Variants in AGBL1 observed in about 807,000 individuals in gnomAD.
The protein encoded by AGBL1 is AGBL carboxypeptidase 1.
AGBL1 carries 130 observed loss-of-function variants against 118.9 expected under a neutral mutation model. The observed-to-expected ratio is 1.09, with a 90% CI of 0.95 to 1.26. The LOEUF (loss-of-function observed/expected upper bound fraction) is 1.26, where lower values mean the gene tolerates loss of function less well. Among genes scored for constraint, AGBL1 ranks in the 50% most tolerant of loss-of-function variants. The pLI is 0.00. For missense variants in AGBL1, 1,584 were observed against 1,298.1 expected (o/e 1.22, Z -3.38); for synonymous variants, 555 against 478.9 (o/e 1.16, Z -2.08).
At chr15:86,514,172 ATTTC>A (rs2083088750) in intron 18 of AGBL1, among the ~76,000 whole-genome samples, 8 of 151,556 alleles carry the variant, frequency 5.3e-5, no homozygotes, top group South Asian at 4.2e-4. Context: ...ATACACATCT[ATTTC>A]TTTATCTATC....
Position 86,743,169 on chromosome 15 carries a change from A to T in AGBL1, c.3158+68733A>T, listed in dbSNP as rs145928654. 6.1e-3 allele frequency among the ~76,000 whole-genome samples: 925 copies of T among 152,206 alleles called. 8 individuals are homozygous for T. Among genetic ancestry groups the T allele is most frequent in the African/African-American group, 0.02 (842 of 41,544 alleles). Reference sequence around the variant, plus strand: ...ATTTTTCTTTAAAAAGTATTTTTTTAAATTATTTATTTCGATAGTTTTATT... The same window carrying T: ...ATTTTTCTTTAAAAAGTATTTTTTTTAATTATTTATTTCGATAGTTTTATT... On this transcript the variant is annotated intron_variant, in intron 22 of 22. Coordinates refer to ENST00000614907, the MANE Select transcript of AGBL1 (RefSeq NM_001386094.1).
At chr15:86,568,883 C>G (rs976130289) in intron 21 of AGBL1, among the ~76,000 whole-genome samples, 2 of 151,906 alleles carry the variant, frequency 1.3e-5, no homozygotes, top group African/African-American at 4.8e-5. Flanking sequence ...ACATTGTTCC[C>G]AGAAATTTTT....
Position 86,080,016 on chromosome 15 carries a change from C to A in AGBL1, c.44C>A (p.Thr15Lys). The A allele has an allele frequency of 8.1e-7, 1 of 1,232,250 alleles. No homozygotes were observed. Among genetic ancestry groups the A allele is most frequent in the Non-Finnish European group, 1.0e-6 (1 of 988,052 alleles). The allele number at this position is 1,232,250 out of a possible 1,614,324, so 76.3% of individuals were successfully genotyped here. The change falls in exon 1 of 23, where the codon ACG (threonine) becomes AAG (lysine). Residue 15 changes from threonine (T) to lysine (K), a missense_variant. By Grantham distance (78) the Thr-to-Lys change is moderately conservative. Transcript: ENST00000614907. ...EASGLQVLLH[T>K]LQSSSDKESI... ...AGTGGGCTACAGGTCCTGCTGCACA[C>A]GCTTCAGGTAGGAAAGGGTAGAGTG...
At chr15:86,606,451 G>A (rs2084578942) in intron 21 of AGBL1, among the ~76,000 whole-genome samples, 1 of 152,156 alleles carries the variant, frequency 6.6e-6, no homozygotes, top group Non-Finnish European at 1.5e-5. Flanking sequence ...GGGATATAAA[G>A]ACGCTGTTTA....
At chr15:86,763,585 C>A (rs2078057250) in intron 22 of AGBL1, among the ~76,000 whole-genome samples, 2 of 151,888 alleles carry the variant, frequency 1.3e-5, no homozygotes, top group African/African-American at 4.8e-5. Flanking sequence ...GACTTTAAAT[C>A]TAGGATGTTC....
chr15:86,482,780 AT>A (rs551274055), intron 18 of AGBL1, among the ~76,000 whole-genome samples: 191 of 151,578 alleles, frequency 1.3e-3, no homozygotes, highest in African/African-American at 4.3e-3. Context: ...CATAGATCAG[AT>A]TTTTTTTTCA....
At chr15:86,672,043 G>A (rs2085755184) in intron 21 of AGBL1, among the ~76,000 whole-genome samples, 5 of 152,184 alleles carry the variant, frequency 3.3e-5, no homozygotes, top group Admixed American at 2.6e-4. Flanking sequence ...CTGTACTCCA[G>A]CTTGGGTGAC....
At chr15:86,431,960 T>C (rs1374745349) in intron 18 of AGBL1, among the ~76,000 whole-genome samples, 2 of 152,066 alleles carry the variant, frequency 1.3e-5, no homozygotes, top group Admixed American at 1.3e-4. Context: ...TAGCTCTGAA[T>C]CCCCTCTCCA....
At chr15:86,356,740 A>G (rs752955305) in intron 17 of AGBL1, among the ~76,000 whole-genome samples, 3 of 152,184 alleles carry the variant, frequency 2.0e-5, no homozygotes, top group Non-Finnish European at 4.4e-5. Context: ...TGTCTTTACC[A>G]TGGGCAAACG....
At chr15:87,003,037 G>T (rs2141764218) in intron 24 of AGBL1, among the ~76,000 whole-genome samples, 1 of 152,254 alleles carries the variant, frequency 6.6e-6, no homozygotes, top group East Asian at 1.9e-4. Context: ...GATAAGAGAG[G>T]GCATCCCTGT....
At chr15:86,446,786 G>T (rs1048746151) in intron 18 of AGBL1, among the ~76,000 whole-genome samples, 2 of 152,148 alleles carry the variant, frequency 1.3e-5, no homozygotes, top group African/African-American at 4.8e-5. Flanking sequence ...TTTAGATGAG[G>T]TTACAGGCAG....
rs775965434 is a variant in AGBL1, at chr15:86,100,891, G to A, written c.51+20868G>A. ...TTTATCTCTGTTCTGATCTTTATTA[G>A]TCATTTCCTTCTACTCATTCTGGGT... On this transcript the variant is annotated intron_variant, in intron 1 of 22. Coordinates refer to ENST00000614907, the MANE Select transcript of AGBL1 (RefSeq NM_001386094.1). Among the ~76,000 whole-genome samples the A allele has an allele frequency of 1.2e-4, 18 of 151,916 alleles. No individual in the cohort carries two copies. In the South Asian group the frequency reaches 3.5e-3, roughly 30 times the overall value.
intron 17 of AGBL1, chr15:86,312,012 C>G (rs950007645): frequency 1.3e-5 from 2 of 152,176 alleles, no homozygotes; most frequent in African/African-American, 2.4e-5. Context: ...AGATATGAAT[C>G]CTAGCTATTT....
intron 19 of AGBL1, among the ~76,000 whole-genome samples, chr15:86,538,410 G>T (rs1596242161): frequency 6.6e-6 from 1 of 152,178 alleles, no homozygotes; most frequent in African/African-American, 2.4e-5. Flanking sequence ...AGAGAGTATG[G>T]CTATCAATAA....
chr15:86,247,871 A>C lies in AGBL1; in HGVS notation c.727A>C (p.Thr243Pro). The C allele has an allele frequency of 1.2e-6, 2 of 1,613,888 alleles. No homozygotes were observed. Among genetic ancestry groups the C allele is most frequent in the Non-Finnish European group, 1.7e-6 (2 of 1,179,892 alleles). The change falls in exon 7 of 23, where the codon ACC becomes CCC. Residue 243 changes from threonine (T) to proline (P), a missense_variant. Coordinates refer to ENST00000614907, the MANE Select transcript of AGBL1 (RefSeq NM_001386094.1). Reference protein sequence around the residue: ...AAQGMEILFSTTQNCLDDKSM... With the variant: ...AAQGMEILFSPTQNCLDDKSM... ...ACAGGGCATGGAGATCCTCTTCAGC[A>C]CCACACAGGCAGGCAGCATGGGGAT...
At chr15:86,201,033 A>G (rs943944480) in intron 5 of AGBL1, among the ~76,000 whole-genome samples, 22 of 152,350 alleles carry the variant, frequency 1.4e-4, no homozygotes, top group Non-Finnish European at 2.9e-4. Context: ...TTACAATTAT[A>G]CTAATAATCA....
At chr15:86,899,020 C>T (rs1026980632) in intron 22 of AGBL1, among the ~76,000 whole-genome samples, 1 of 152,164 alleles carries the variant, frequency 6.6e-6, no homozygotes, top group African/African-American at 2.4e-5. Context: ...CCATTCAACC[C>T]AGCAATTCCA....
At chr15:86,810,020 A>T (rs2078767207) in intron 22 of AGBL1, among the ~76,000 whole-genome samples, 3 of 152,336 alleles carry the variant, frequency 2.0e-5, no homozygotes, top group South Asian at 4.1e-4. Context: ...TCATTAAAAC[A>T]TCACATTAAT....
intron 11 of AGBL1, among the ~76,000 whole-genome samples, chr15:86,266,114 C>T (rs1384235737): frequency 1.3e-5 from 2 of 152,194 alleles, no homozygotes; most frequent in Non-Finnish European, 2.9e-5. Flanking sequence ...TTCTTCAAGC[C>T]AAGAATTCTC....
Sources: gnomAD v4.1 joint callset for allele counts (sites outside exome capture counted in the v4.1 genomes callset) on GRCh38, gnomAD v4.1.1 for gene constraint, MANE v1.5 for transcripts, NCBI Gene and HGNC (gene_info 2026-07-23, HGNC 2026-07-21) for gene names.